NTRK3: variants seen among roughly 807,000 people sequenced by gnomAD.
NTRK3 encodes neurotrophic receptor tyrosine kinase 3.
A neutral mutation model predicts 91.7 loss-of-function variants in NTRK3; 24 were observed. The observed-to-expected ratio is 0.26, with a 90% CI of 0.19 to 0.37. The LOEUF is 0.37. Among genes scored for constraint, NTRK3 ranks in the 10% least tolerant of loss-of-function variants. The pLI is 1.00. For missense variants in NTRK3, 880 were observed against 1,068.9 expected (o/e 0.82, Z 2.46); for synonymous variants, 483 against 404.0 (o/e 1.20, Z -2.34).
chr15:87,934,355 T>C (rs1478114680), intron 15 of NTRK3, among the ~76,000 whole-genome samples: 1 of 152,220 alleles, frequency 6.6e-6, no homozygotes, highest in Non-Finnish European at 1.5e-5. Context: ...TAATATTGGC[T>C]CACCATTTTC....
At chr15:88,252,565 A>C (rs1173767852) in intron 3 of NTRK3, 11 of 152,418 alleles carry the variant, frequency 7.2e-5, no homozygotes, top group Admixed American at 7.2e-4. Flanking sequence ...TCTTCTTTCT[A>C]ACAGCTAAAG....
intron 3 of NTRK3, among the ~76,000 whole-genome samples, chr15:88,217,196 G>A (rs2049857680): frequency 6.6e-6 from 1 of 152,204 alleles, no homozygotes; most frequent in Non-Finnish European, 1.5e-5. Flanking sequence ...AAACAGTGTG[G>A]TAGTTCCCCA....
At chr15:87,943,481 C>A (rs906621422) in intron 14 of NTRK3, among the ~76,000 whole-genome samples, 1 of 152,114 alleles carries the variant, frequency 6.6e-6, no homozygotes, top group African/African-American at 2.4e-5. Context: ...CTAGAAACAT[C>A]TCTACAAAAG....
At chr15:87,883,518 A>G (rs1215709742) in intron 17 of NTRK3, among the ~76,000 whole-genome samples, 3 of 151,226 alleles carry the variant, frequency 2.0e-5, no homozygotes, top group Non-Finnish European at 4.4e-5. Flanking sequence ...AGAAGACAAC[A>G]TAAATGAAGA....
At chr15:88,023,579 A>G (rs903997823) in intron 14 of NTRK3, among the ~76,000 whole-genome samples, 2 of 152,172 alleles carry the variant, frequency 1.3e-5, no homozygotes, top group African/African-American at 4.8e-5. Context: ...CCTAGAGTGG[A>G]CTGTCAAGAT....
At chr15:88,108,727 G>C (rs543127041) in intron 13 of NTRK3, among the ~76,000 whole-genome samples, 1 of 152,192 alleles carries the variant, frequency 6.6e-6, no homozygotes, top group African/African-American at 2.4e-5. Flanking sequence ...AAACAGACTT[G>C]AGTCTCCCTC....
intron 17 of NTRK3, among the ~76,000 whole-genome samples, chr15:87,912,929 A>AT (rs1555435273): frequency 0.023 from 343 of 14,848 alleles, 3 homozygotes; most frequent in African/African-American, 0.028. Context: ...AAAGTAAAAA[A>AT]AAATATATAT....
intron 3 of NTRK3, among the ~76,000 whole-genome samples, chr15:88,196,192 A>G (rs1367732196): frequency 1.3e-5 from 2 of 152,156 alleles, no homozygotes; most frequent in Non-Finnish European, 2.9e-5. Context: ...TCATTGTTAG[A>G]GGGTAAGTTC....
intron 5 of NTRK3, among the ~76,000 whole-genome samples, chr15:88,149,325 T>C (rs1243361421): frequency 6.6e-6 from 1 of 152,160 alleles, no homozygotes; most frequent in African/African-American, 2.4e-5. Context: ...TGCAGGGTAC[T>C]GGAGGAGAAG....
chr15:87,985,299 T>C (rs979424359), intron 14 of NTRK3, among the ~76,000 whole-genome samples: 1 of 152,314 alleles, frequency 6.6e-6, no homozygotes, highest in African/African-American at 2.4e-5. Context: ...GTCTTCCGCA[T>C]TGCCTGACAT....
Position 88,199,900 on chromosome 15 carries a change from C to T in NTRK3, c.249-15601G>A, listed in dbSNP as rs571629167. 4.6e-5 allele frequency among the ~76,000 whole-genome samples: 7 copies of T among 152,296 alleles called. No individual in the cohort carries two copies. In the South Asian group the frequency reaches 1.5e-3, roughly 32 times the overall value. On this transcript the variant is annotated intron_variant, in intron 3 of 18. Transcript: ENST00000394480. The stretch of plus-strand genomic sequence containing the variant: ...AGCAGGACAGCCTGGGCCACCACTT[C>T]CAAGAAAGGAAGTGGTGCTGGTGCC...
intron 13 of NTRK3, among the ~76,000 whole-genome samples, chr15:88,071,634 A>G (rs900496097): frequency 7.9e-5 from 12 of 152,224 alleles, no homozygotes; most frequent in Admixed American, 5.2e-4. Context: ...TGGGCCTAAG[A>G]GGTAAGACGT....
chr15:87,904,039 C>T (rs1315099284), intron 17 of NTRK3, among the ~76,000 whole-genome samples: 1 of 152,096 alleles, frequency 6.6e-6, no homozygotes, highest in African/African-American at 2.4e-5. Flanking sequence ...GGTGTGTGTC[C>T]TTAGGTTCCT....
intron 17 of NTRK3, among the ~76,000 whole-genome samples, chr15:87,886,676 C>CTATATATATATATATG (rs2065556112): frequency 9.9e-6 from 1 of 101,204 alleles, no homozygotes; most frequent in African/African-American, 4.1e-5. Context: ...CCACTTTTTG[C>CTATATATATATATATG]TATATATATA....
chr15:88,108,399 C>G (rs1356532275), intron 13 of NTRK3, among the ~76,000 whole-genome samples: 1 of 152,198 alleles, frequency 6.6e-6, no homozygotes, highest in Non-Finnish European at 1.5e-5. Flanking sequence ...CTTCTGGCCT[C>G]TCAGGATTCA....
intron 13 of NTRK3, among the ~76,000 whole-genome samples, chr15:88,072,141 G>C (rs538221556): frequency 5.3e-5 from 8 of 151,728 alleles, no homozygotes; most frequent in Non-Finnish European, 1.2e-4. Context: ...GAGTAGCTGG[G>C]ATTACAGGCA....
chr15:87,875,101 G>A (rs1409440953), exon 19 of NTRK3: 1 of 230,870 alleles, frequency 4.3e-6, no homozygotes, highest in African/African-American at 2.2e-5. Context: ...ACCCCACATA[G>A]GGAGGCCCAC....
intron 13 of NTRK3, among the ~76,000 whole-genome samples, chr15:88,059,631 T>C (rs1230352782): frequency 2.0e-5 from 3 of 152,104 alleles, no homozygotes; most frequent in Non-Finnish European, 2.9e-5. Context: ...TTGCACCATT[T>C]TCCATAACAC....
At chr15:87,929,603 G>A (rs915853889) in intron 16 of NTRK3, among the ~76,000 whole-genome samples, 169 bp from the exon 17 acceptor site, 4 of 152,182 alleles carry the variant, frequency 2.6e-5, no homozygotes, top group African/African-American at 9.7e-5. Flanking sequence ...TTATGTACGT[G>A]TGGGTAAGGG....
Sources: gnomAD v4.1 joint callset for allele counts (sites outside exome capture counted in the v4.1 genomes callset) on GRCh38, gnomAD v4.1.1 for gene constraint, MANE v1.5 for transcripts, NCBI Gene and HGNC (gene_info 2026-07-23, HGNC 2026-07-21) for gene names.